Variants in TRPC5 observed in about 807,000 individuals in gnomAD.
TRPC5 encodes the protein transient receptor potential cation channel subfamily C member 5.
Under a neutral mutation model 56.5 loss-of-function variants are expected in TRPC5, and 9 were observed. The observed-to-expected ratio is 0.16, with a 90% CI of 0.10 to 0.28. TRPC5 has a LOEUF of 0.28. TRPC5 is among the 10% of genes least tolerant of loss of function. The probability of loss-of-function intolerance (pLI) is 1.00; values close to 1 mark genes in which losing one functional copy is unlikely to be tolerated. For synonymous variants in TRPC5, 282 were observed against 278.5 expected, an observed-to-expected ratio of 1.01 and a Z score of -0.13; for missense variants, 469 against 748.9, an observed-to-expected ratio of 0.63 and a Z score of 4.36.
intron 5 of TRPC5, among the ~76,000 whole-genome samples, chrX:111,847,649 C>T (rs1274969933): frequency 8.9e-6 from 1 of 111,732 alleles, no homozygotes; most frequent in African/African-American, 3.3e-5. Context: ...CTCCCATCCA[C>T]GTCTATACCT....
chrX:111,997,072 T>C (rs1928556544), intron 1 of TRPC5, among the ~76,000 whole-genome samples: 1 of 111,911 alleles, frequency 8.9e-6, no homozygotes, highest in African/African-American at 3.3e-5. Flanking sequence ...GTCCGTTAAT[T>C]GATGCAGTTT....
intron 1 of TRPC5, among the ~76,000 whole-genome samples, chrX:112,038,644 A>T: frequency 9.0e-6 from 1 of 111,666 alleles, no homozygotes; most frequent in Non-Finnish European, 1.9e-5. Context: ...AAATGTATAT[A>T]GATTCTGAAT....
intron 5 of TRPC5, among the ~76,000 whole-genome samples, chrX:111,850,062 A>C (rs1027943474): frequency 9.0e-6 from 1 of 111,720 alleles, no homozygotes; most frequent in Non-Finnish European, 1.9e-5. Flanking sequence ...TAAGAATTTG[A>C]GGGGGGTGTT....
intron 1 of TRPC5, among the ~76,000 whole-genome samples, chrX:112,013,412 T>G (rs913436918): frequency 8.9e-6 from 1 of 111,866 alleles, no homozygotes; most frequent in African/African-American, 3.3e-5. Context: ...CGGCCTCTCA[T>G]AGTGGCTAGG....
intron 7 of TRPC5, among the ~76,000 whole-genome samples, chrX:111,786,464 C>G (rs1264777626): frequency 9.0e-6 from 1 of 111,517 alleles, no homozygotes; most frequent in African/African-American, 3.3e-5. Context: ...CAAAAATATG[C>G]CAAATTGTAA....
intron 1 of TRPC5, among the ~76,000 whole-genome samples, chrX:112,028,039 G>C (rs772741299): frequency 6.3e-5 from 7 of 111,804 alleles, no homozygotes; most frequent in Admixed American, 2.8e-4. Context: ...CAAACTGGTT[G>C]ACTTCTCAAG....
chrX:111,960,735 G>A (rs144142980), intron 1 of TRPC5, among the ~76,000 whole-genome samples: 270 of 111,554 alleles, frequency 2.4e-3, no homozygotes, highest in Non-Finnish European at 4.0e-3. Flanking sequence ...TGTTCACACA[G>A]GAGCTTATTG....
chrX:111,983,159 TG>T (rs945215396), intron 1 of TRPC5, among the ~76,000 whole-genome samples: 3 of 111,606 alleles, frequency 2.7e-5, no homozygotes, highest in Non-Finnish European at 5.6e-5. Flanking sequence ...AATAATATGA[TG>T]GTGGATAAAG....
Position 112,043,205 on chromosome X carries a change from T to C in TRPC5, c.-22+38674A>G, listed in dbSNP as rs549971034. The stretch of plus-strand genomic sequence containing the variant: ...GTGCAGAGCCAACCCTAGATTAGTG[T>C]TACTTTTAAAGTTGACTGACAATGT... On this transcript the variant is annotated intron_variant, in intron 1 of 10. Coordinates refer to ENST00000262839, the MANE Select transcript of TRPC5 (RefSeq NM_012471.3). Among the ~76,000 whole-genome samples, 3 of 112,481 alleles carry C rather than the reference T, an allele frequency of 2.7e-5. No individual in the cohort carries two copies. In the South Asian group the frequency reaches 1.1e-3, roughly 41 times the overall value.
chrX:111,894,587 G>A (rs762240594), intron 3 of TRPC5, among the ~76,000 whole-genome samples: 1 of 111,190 alleles, frequency 9.0e-6, no homozygotes, highest in East Asian at 2.8e-4. Context: ...CAGGCCAAAG[G>A]GACACTGCCC....
intron 1 of TRPC5, among the ~76,000 whole-genome samples, chrX:111,977,949 CAAAA>C (rs201360326): frequency 9.4e-6 from 1 of 105,878 alleles, no homozygotes; most frequent in Non-Finnish European, 2.0e-5. Context: ...ATGGCTATTA[CAAAA>C]AAAAACAAAA....
At chrX:111,903,486 T>A (rs1490002247) in intron 3 of TRPC5, 3 of 112,159 alleles carry the variant, frequency 2.7e-5, no homozygotes, top group Non-Finnish European at 5.6e-5. Flanking sequence ...CCTAAGATGT[T>A]GCTATAAACA....
intron 7 of TRPC5, among the ~76,000 whole-genome samples, chrX:111,792,431 C>T (rs1256406481): frequency 9.0e-6 from 1 of 111,350 alleles, no homozygotes; most frequent in African/African-American, 3.3e-5. Context: ...ATGTAACAAA[C>T]CTGCACATTC....
At chrX:111,999,816 A>C (rs1200571678) in intron 1 of TRPC5, among the ~76,000 whole-genome samples, 1 of 111,019 alleles carries the variant, frequency 9.0e-6, no homozygotes, top group Non-Finnish European at 1.9e-5. Flanking sequence ...AAATACAAAA[A>C]TTAGCTGGGC....
At chrX:111,862,504 A>T (rs1168958470) in intron 3 of TRPC5, among the ~76,000 whole-genome samples, 2 of 112,344 alleles carry the variant, frequency 1.8e-5, no homozygotes, top group Non-Finnish European at 3.8e-5. Context: ...TACTGTTGTC[A>T]TATCTAAGAA....
intron 3 of TRPC5, among the ~76,000 whole-genome samples, chrX:111,891,459 C>T (rs186741734): frequency 1.8e-5 from 2 of 112,312 alleles, no homozygotes; most frequent in East Asian, 2.8e-4. Flanking sequence ...GCAATCTTGA[C>T]GAGTCAGTTA....
intron 7 of TRPC5, among the ~76,000 whole-genome samples, chrX:111,824,585 G>T (rs1922131289): frequency 9.0e-6 from 1 of 111,329 alleles, no homozygotes; most frequent in South Asian, 3.8e-4. Flanking sequence ...AGGGGCCTGG[G>T]GCTTTTCCAG....
chrX:111,904,242 T>G (rs1345414474), intron 3 of TRPC5, among the ~76,000 whole-genome samples: 1 of 112,387 alleles, frequency 8.9e-6, no homozygotes, highest in Non-Finnish European at 1.9e-5. Flanking sequence ...AATGAAATAA[T>G]AGTTTTCAAA....
chrX:112,008,524 C>T (rs1044474236), intron 1 of TRPC5, among the ~76,000 whole-genome samples: 1 of 108,185 alleles, frequency 9.2e-6, no homozygotes, highest in African/African-American at 3.4e-5. Flanking sequence ...GGTGTGAACC[C>T]GGGAGGTGGA....
Sources: allele counts gnomAD v4.1 joint callset (sites outside exome capture counted in the v4.1 genomes callset), GRCh38; gene constraint gnomAD v4.1.1; transcripts MANE v1.5; gene names NCBI Gene and HGNC (gene_info 2026-07-23, HGNC 2026-07-21).